Variants in PTPRD observed in about 807,000 individuals in gnomAD.
PTPRD encodes the protein protein tyrosine phosphatase receptor type D.
In PTPRD, 34 loss-of-function variants were observed where a neutral mutation model predicts 214.5. The observed-to-expected ratio is 0.16, with a 90% CI of 0.12 to 0.21. PTPRD has a LOEUF of 0.21. Ranked by LOEUF, PTPRD falls within the 10% of genes least tolerant of loss-of-function variation. The pLI is 1.00. For missense variants in PTPRD, 2,545 were observed against 2,398.7 expected, an observed-to-expected ratio of 1.06 and a Z score of -1.27; for synonymous variants, 1,128 against 845.7, an observed-to-expected ratio of 1.33 and a Z score of -5.79.
At chr9:8,745,286 G>A (rs2092665219) in intron 11 of PTPRD, among the ~76,000 whole-genome samples, 1 of 152,198 alleles carries the variant, frequency 6.6e-6, no homozygotes, top group Non-Finnish European at 1.5e-5. Flanking sequence ...ATAGCATGGT[G>A]TATCTACTTT....
intron 4 of PTPRD, among the ~76,000 whole-genome samples, chr9:9,947,435 A>T (rs13299467): frequency 1.3e-3 from 41 of 31,260 alleles, no homozygotes; most frequent in African/African-American, 2.9e-3. Flanking sequence ...TTATATATAT[A>T]TTATATATTT....
chr9:9,503,130 G>T (rs989203201), intron 8 of PTPRD, among the ~76,000 whole-genome samples: 11 of 151,748 alleles, frequency 7.2e-5, no homozygotes, highest in Non-Finnish European at 1.0e-4. Flanking sequence ...AAGGGACTTG[G>T]TTGGTAGTTG....
At chr9:8,772,163 A>C (rs2095256309) in intron 11 of PTPRD, among the ~76,000 whole-genome samples, 1 of 151,940 alleles carries the variant, frequency 6.6e-6, no homozygotes, top group Non-Finnish European at 1.5e-5. Flanking sequence ...ACAACAACAC[A>C]GATTTTGAGG....
chr9:8,340,049 A>C lies in PTPRD; in HGVS notation c.5253+294T>G, dbSNP rs189067171. ...CTGTCCAGAACAAAAGGCAGTAAGA[A>C]TATGCTAAAAGAAGTCCGACATAAG... On this transcript the variant is annotated intron_variant, in intron 42 of 45. Transcript: ENST00000381196. 3.3e-5 allele frequency among the ~76,000 whole-genome samples: 5 copies of C among 152,260 alleles called. No homozygotes were observed. The East Asian group carries it at 7.7e-4, about 24-fold the overall frequency.
chr9:9,357,884 C>A (rs1049034272), intron 9 of PTPRD, among the ~76,000 whole-genome samples: 6 of 151,020 alleles, frequency 4.0e-5, no homozygotes, highest in African/African-American at 1.5e-4. Context: ...ACATCTTTAC[C>A]TACCACAACC....
Position 8,666,876 on chromosome 9 carries a change from C to T in PTPRD, c.65-30032G>A, listed in dbSNP as rs139203800. On this transcript the variant is annotated intron_variant, in intron 12 of 45. Transcript: ENST00000381196. ...ACCTCCGCCTTCTCAAACTGATGTA[C>T]GACTAAAAACTTAATATTTTCACAC... Among the ~76,000 whole-genome samples the T allele has an allele frequency of 3.9e-5, 6 of 152,230 alleles. No individual in the cohort carries two copies. The East Asian group carries it at 9.7e-4, about 25-fold the overall frequency.
chr9:9,234,418 A>C (rs2099965235), intron 9 of PTPRD, among the ~76,000 whole-genome samples: 1 of 152,120 alleles, frequency 6.6e-6, no homozygotes, highest in Non-Finnish European at 1.5e-5. Flanking sequence ...GACTGCTGTG[A>C]AGGTCTTTAA....
intron 10 of PTPRD, among the ~76,000 whole-genome samples, chr9:9,101,552 T>G (rs1389629228): frequency 6.6e-6 from 1 of 152,204 alleles, no homozygotes; most frequent in African/African-American, 2.4e-5. Flanking sequence ...AAGATTGTCA[T>G]GACTGACATT....
intron 3 of PTPRD, among the ~76,000 whole-genome samples, chr9:10,132,848 C>T (rs1373940002): frequency 6.6e-6 from 1 of 152,138 alleles, no homozygotes; most frequent in African/African-American, 2.4e-5. Flanking sequence ...TAAGATGACA[C>T]CAAGGAGCCC....
intron 8 of PTPRD, among the ~76,000 whole-genome samples, chr9:9,480,062 C>T (rs544840334): frequency 1.3e-5 from 2 of 152,226 alleles, no homozygotes; most frequent in South Asian, 4.1e-4. Flanking sequence ...TGTCCTATCA[C>T]AGAATGTTGC....
At chr9:9,670,733 C>A (rs1248852239) in intron 7 of PTPRD, among the ~76,000 whole-genome samples, 1 of 152,154 alleles carries the variant, frequency 6.6e-6, no homozygotes, top group Non-Finnish European at 1.5e-5. Context: ...AGGCCTCAAG[C>A]CTTGACAGCT....
intron 11 of PTPRD, among the ~76,000 whole-genome samples, chr9:8,751,702 T>G (rs1379439929): frequency 6.6e-6 from 1 of 152,228 alleles, no homozygotes; most frequent in East Asian, 1.9e-4. Context: ...CAGGATTTCC[T>G]CCATTATTGA....
chr9:10,161,440 A>G (rs2099126668), intron 3 of PTPRD, among the ~76,000 whole-genome samples: 1 of 151,820 alleles, frequency 6.6e-6, no homozygotes, highest in Non-Finnish European at 1.5e-5. Context: ...CCAAGAACTT[A>G]CAGGGGAAAT....
At chr9:10,509,761 T>C (rs2047384053) in intron 2 of PTPRD, among the ~76,000 whole-genome samples, 1 of 151,406 alleles carries the variant, frequency 6.6e-6, no homozygotes, top group East Asian at 1.9e-4. Flanking sequence ...GATGCTACTA[T>C]GTTCCTTGTT....
intron 3 of PTPRD, among the ~76,000 whole-genome samples, chr9:10,059,709 C>A (rs2097722593): frequency 1.3e-5 from 2 of 151,374 alleles, no homozygotes; most frequent in African/African-American, 2.4e-5. Context: ...CATCTCAAAT[C>A]GTTTTTAATT....
chr9:8,833,992 T>C (rs2097357760), intron 11 of PTPRD, among the ~76,000 whole-genome samples: 2 of 151,364 alleles, frequency 1.3e-5, no homozygotes, highest in Admixed American at 1.3e-4. Context: ...TTTAGTAGAA[T>C]TCTAAATTTT....
chr9:8,781,425 G>C (rs1355745207), intron 11 of PTPRD, among the ~76,000 whole-genome samples: 1 of 152,174 alleles, frequency 6.6e-6, no homozygotes, highest in African/African-American at 2.4e-5. Flanking sequence ...AAAGAAGAAA[G>C]ACACAGTCAG....
chr9:8,347,356 A>G (rs1205005398), intron 39 of PTPRD, among the ~76,000 whole-genome samples: 1 of 152,116 alleles, frequency 6.6e-6, no homozygotes, highest in East Asian at 1.9e-4. Flanking sequence ...TCTGTCGCCT[A>G]CTATTCCACA....
At chr9:8,581,859 G>A (rs113674056) in intron 14 of PTPRD, among the ~76,000 whole-genome samples, 109 of 143,372 alleles carry the variant, frequency 7.6e-4, no homozygotes, top group African/African-American at 2.8e-3. Flanking sequence ...GGGAGGTGGA[G>A]GCGAGTTCCT....
Sources: allele counts gnomAD v4.1 joint callset (sites outside exome capture counted in the v4.1 genomes callset), GRCh38; gene constraint gnomAD v4.1.1; transcripts MANE v1.5; gene names NCBI Gene and HGNC (gene_info 2026-07-23, HGNC 2026-07-21).